Variants in ADAM7 observed in about 807,000 individuals in gnomAD.
The protein encoded by ADAM7 is disintegrin and metalloproteinase domain-containing protein 7.
ADAM7 carries 97 observed loss-of-function variants against 102.9 expected under a neutral mutation model. That is an observed-to-expected ratio of 0.94 (90% confidence interval 0.80 to 1.12). ADAM7 has a LOEUF of 1.12. Ranked by LOEUF, ADAM7 falls within the 50% of genes most tolerant of loss-of-function variation. The pLI is 0.00. For missense variants in ADAM7, 991 were observed against 908.7 expected (o/e 1.09, Z -1.16); for synonymous variants, 334 against 304.4 (o/e 1.10, Z -1.01).
intron 20 of ADAM7, among the ~76,000 whole-genome samples, chr8:24,504,603 T>G (rs1255560096): frequency 2.0e-5 from 3 of 152,164 alleles, no homozygotes; most frequent in Admixed American, 1.3e-4. Context: ...CAAGTGCCAA[T>G]AAAAATATTA....
intron 12 of ADAM7, 49 bp downstream of exon 12, chr8:24,489,382 A>AATTAT (rs1820257651): frequency 3.9e-6 from 6 of 1,542,970 alleles, no homozygotes; most frequent in Non-Finnish European, 5.3e-6. Context: ...ATGATCAGGT[A>AATTAT]GAACCTAGGC....
chr8:24,501,710 C>A, intron 20 of ADAM7, 134 bp downstream of exon 20: 1 of 569,882 alleles, frequency 1.8e-6, no homozygotes, highest in South Asian at 2.9e-5. Flanking sequence ...TGGTTCCACA[C>A]ACATGAAGCT....
chr8:24,477,627 G>C (rs1192657683), intron 8 of ADAM7, among the ~76,000 whole-genome samples: 6 of 148,774 alleles, frequency 4.0e-5, no homozygotes, highest in African/African-American at 1.5e-4. Context: ...TGAACTTCTG[G>C]GATCTGTGAT....
In ADAM7 at chr8:24,489,961, A is replaced by C. The variant is rs373811514; in HGVS notation, c.1266+628A>C. Among the ~76,000 whole-genome samples, 49 of 152,310 alleles carry C rather than the reference A, an allele frequency of 3.2e-4. No homozygotes were observed. In the East Asian group the frequency reaches 7.3e-3, roughly 23 times the overall value. On this transcript the variant is annotated intron_variant, in intron 12 of 21. Coordinates refer to ENST00000175238, the MANE Select transcript of ADAM7 (RefSeq NM_003817.4). ...AATTAATAAGTGCAGATGAATCACCAGGGGACATTGTTAAAATGTGAACTC... is the reference window on the plus strand; with the variant it reads ...AATTAATAAGTGCAGATGAATCACCCGGGGACATTGTTAAAATGTGAACTC...
chr8:24,490,662 T>C (rs1820311942), intron 12 of ADAM7, 137 bp from the exon 13 acceptor site: 3 of 786,134 alleles, frequency 3.8e-6, no homozygotes, highest in Non-Finnish European at 6.2e-6. Context: ...CAGTAATCTT[T>C]ATGTATGTAC....
At chr8:24,452,921 G>T (rs1468944439) in intron 3 of ADAM7, among the ~76,000 whole-genome samples, 252 of 148,248 alleles carry the variant, frequency 1.7e-3, no homozygotes, top group African/African-American at 6.0e-3. Flanking sequence ...GCTTAGTTTG[G>T]CTGGATATGA....
At chr8:24,459,696 G>A (rs1819171149) in intron 3 of ADAM7, among the ~76,000 whole-genome samples, 1 of 152,114 alleles carries the variant, frequency 6.6e-6, no homozygotes, top group Non-Finnish European at 1.5e-5. Flanking sequence ...CAGGCCTCAA[G>A]CAATTCTCCT....
chr8:24,478,616 G>A (rs551998093), intron 8 of ADAM7, among the ~76,000 whole-genome samples: 1 of 152,198 alleles, frequency 6.6e-6, no homozygotes, highest in East Asian at 1.9e-4. Context: ...ATCCTTGGGG[G>A]CCATCTTCAA....
intron 3 of ADAM7, among the ~76,000 whole-genome samples, chr8:24,452,905 T>C (rs1818856020): frequency 1.3e-5 from 2 of 149,418 alleles, no homozygotes; most frequent in South Asian, 4.2e-4. Context: ...CTCCTTCACT[T>C]ATGAAGCTTA....
intron 7 of ADAM7, among the ~76,000 whole-genome samples, chr8:24,470,628 C>A (rs1020421824): frequency 2.0e-5 from 3 of 152,090 alleles, no homozygotes; most frequent in Admixed American, 2.0e-4. Context: ...CAGAAAAATT[C>A]CTATAGCCTA....
At position 24,509,099 on chromosome 8, in the gene ADAM7, A is replaced by G; in HGVS notation, c.*553A>G. ...GAAGAATAGTGGACAGAACTGCAGG[A>G]TAGTCCTTAAAATAATGGTGGTGGG... On this transcript the variant is annotated 3_prime_UTR_variant, in exon 22 of 22. Transcript: ENST00000175238. 1 of 985,620 alleles carries G rather than the reference A, an allele frequency of 1.0e-6. No individual in the cohort carries two copies. Among genetic ancestry groups the G allele is most frequent in the Non-Finnish European group, 1.2e-6 (1 of 830,066 alleles). 61.1% of individuals were successfully genotyped at this position (985,620 alleles called of 1,614,324 possible).
At chr8:24,458,409 T>A (rs1454869873) in intron 3 of ADAM7, among the ~76,000 whole-genome samples, 8 of 152,206 alleles carry the variant, frequency 5.3e-5, no homozygotes, top group African/African-American at 1.9e-4. Context: ...TATTTACTAT[T>A]TCTGGTGGTT....
At chr8:24,507,247 G>A (rs1198246007) in intron 20 of ADAM7, among the ~76,000 whole-genome samples, 1 of 152,066 alleles carries the variant, frequency 6.6e-6, no homozygotes, top group African/African-American at 2.4e-5. Flanking sequence ...AATGGTTTCT[G>A]ATACAACTTT....
Position 24,490,644 on chromosome 8 carries a change from G to A in ADAM7, c.1267-155G>A, listed in dbSNP as rs770065260. On this transcript the variant is annotated intron_variant, in intron 12 of 21. Transcript: ENST00000175238. Reference sequence around the variant, plus strand: ...GAAATAGTTAAAGTCCCAAATACCCGTTCTAAACAGTAATCTTTATGTATG... The same window carrying A: ...GAAATAGTTAAAGTCCCAAATACCCATTCTAAACAGTAATCTTTATGTATG... The A allele has an allele frequency of 1.5e-4, 101 of 682,064 alleles. 1 individual carries two copies. The highest frequency in any genetic ancestry group is 2.0e-4 in the Non-Finnish European group (80 of 402,986). 42.3% of individuals were successfully genotyped at this position (682,064 alleles called of 1,614,324 possible).
At chr8:24,479,110 A>G (rs1408687789) in intron 8 of ADAM7, among the ~76,000 whole-genome samples, 1 of 152,090 alleles carries the variant, frequency 6.6e-6, no homozygotes, top group Non-Finnish European at 1.5e-5. Context: ...ATTGAGAGCC[A>G]GCACCTCCCT....
In ADAM7 at chr8:24,441,047, A is replaced by G; in HGVS notation, c.-62A>G. ...CTTCATCCCTGCAGTGGAAGTGAGGAGGAAGAAAGGTGAACTCCTTTTCTC... is the reference window on the plus strand; with the variant it reads ...CTTCATCCCTGCAGTGGAAGTGAGGGGGAAGAAAGGTGAACTCCTTTTCTC... On this transcript the variant is annotated 5_prime_UTR_variant, in exon 1 of 22. Coordinates refer to ENST00000175238, the MANE Select transcript of ADAM7 (RefSeq NM_003817.4). 1 of 1,477,114 alleles carries G rather than the reference A, an allele frequency of 6.8e-7. No homozygotes were observed. The highest frequency in any genetic ancestry group is 9.5e-7 in the Non-Finnish European group (1 of 1,056,160). The allele number at this position is 1,477,114 out of a possible 1,614,324, so 91.5% of individuals were successfully genotyped here.
chr8:24,452,714 G>A (rs1371586340), intron 3 of ADAM7, among the ~76,000 whole-genome samples: 3 of 151,292 alleles, frequency 2.0e-5, no homozygotes, highest in Admixed American at 6.6e-5. Flanking sequence ...TGGTTATTTT[G>A]CTGGTTAGTT....
rs965710009 is a variant in ADAM7 at position 24,493,183 on chromosome 8, C to T, written c.1796C>T (p.Thr599Ile). 8 of 1,612,406 alleles carry T rather than the reference C, an allele frequency of 5.0e-6. No individual in the cohort carries two copies. The highest frequency in any genetic ancestry group is 1.1e-5 in the South Asian group (1 of 90,690). Residue 599 changes from threonine to isoleucine, a missense_variant, in exon 16 of 22, where the codon ACA (threonine) becomes ATA (isoleucine). Coordinates refer to ENST00000175238, the MANE Select transcript of ADAM7 (RefSeq NM_003817.4). ...CKTIFLYHDSTDIGLVASGTK... is the reference protein window; with the variant it reads ...CKTIFLYHDSIDIGLVASGTK... ...ACTATTTTTTTATACCATGATTCTA[C>T]AGACATTGGCCTGGTGGCGTCAGGA...
intron 2 of ADAM7, 36 bp from the exon 3 acceptor site, chr8:24,447,150 C>G (rs1368025926): frequency 8.0e-7 from 1 of 1,250,402 alleles, no homozygotes; most frequent in South Asian, 1.4e-5. Context: ...CTAAATGAGC[C>G]CATGTTGAAG....
Sources: allele counts gnomAD v4.1 joint callset (sites outside exome capture counted in the v4.1 genomes callset), GRCh38; gene constraint gnomAD v4.1.1; transcripts MANE v1.5; gene names NCBI Gene and HGNC (gene_info 2026-07-23, HGNC 2026-07-21).